Variants in DHX16 observed in about 807,000 individuals in gnomAD.
DHX16 encodes the protein pre-mRNA-splicing factor ATP-dependent RNA helicase DHX16.
DHX16 carries 81 observed loss-of-function variants against 131.2 expected under a neutral mutation model. The observed-to-expected ratio is 0.62, with a 90% CI of 0.52 to 0.74. DHX16 has a LOEUF of 0.74. Among genes scored for constraint, DHX16 ranks in the 30% least tolerant of loss-of-function variants. The pLI is 0.00. For missense variants in DHX16, 980 were observed against 1,363.1 expected, an observed-to-expected ratio of 0.72 and a Z score of 4.43; for synonymous variants, 440 against 520.2, an observed-to-expected ratio of 0.85 and a Z score of 2.10.
At position 30,665,001 on chromosome 6, in the gene DHX16, A is replaced by G; in HGVS notation, c.1126-9T>C. 6.2e-7 allele frequency: 1 copy of G among 1,613,872 alleles called. No homozygotes were observed. The highest frequency in any genetic ancestry group is 1.3e-5 in the African/African-American group (1 of 75,006). ...GGTGGAGCTGACGGCTCCTAAGGAA[A>G]GAGAAGGAGGTGTGAGCTAAATAGC... On this transcript the variant is annotated splice_polypyrimidine_tract_variant and intron_variant, in intron 6 of 19. Transcript: ENST00000376442. This position sits in a 1 kb window ranked among gnomAD's most constrained non-coding sequence, Gnocchi z 4.8.
intron 9 of DHX16, chr6:30,661,967 A>G: frequency 1.4e-6 from 1 of 690,582 alleles, no homozygotes; most frequent in Non-Finnish European, 2.7e-6. Flanking sequence ...AGAGTCAAAA[A>G]GGCACATATT....
intron 7 of DHX16, 32 bp downstream of exon 7, chr6:30,664,761 GCCAGGTGC>G (rs763273217): frequency 6.4e-7 from 1 of 1,567,304 alleles, no homozygotes; most frequent in Non-Finnish European, 8.7e-7. Context: ...GGACATTGAT[GCCAGGTGC>G]CCTGGCAAGC....
chr6:30,653,591 G>A (rs941733314), intron 19 of DHX16, among the ~76,000 whole-genome samples: 1 of 152,194 alleles, frequency 6.6e-6, no homozygotes, highest in Non-Finnish European at 1.5e-5. Context: ...GTATAGTTGG[G>A]GTCTCACTAT....
intron 7 of DHX16, 61 bp downstream of exon 7, chr6:30,664,740 G>A: frequency 6.9e-7 from 1 of 1,445,218 alleles, no homozygotes; most frequent in Non-Finnish European, 9.5e-7. Flanking sequence ...AAGGAGCTCT[G>A]ACAGGAATGA....
chr6:30,668,658 A>C (rs1249083290), intron 4 of DHX16, among the ~76,000 whole-genome samples: 3 of 151,810 alleles, frequency 2.0e-5, no homozygotes, highest in Non-Finnish European at 4.4e-5. Flanking sequence ...CTCAAAAAAA[A>C]CCCGAAAAAT....
intron 7 of DHX16, 43 bp from the exon 8 acceptor site, chr6:30,663,064 T>A: frequency 6.8e-7 from 1 of 1,468,558 alleles, no homozygotes; most frequent in Non-Finnish European, 9.4e-7. Flanking sequence ...CTTTACTAAA[T>A]ATGCACCCTG....
At chr6:30,666,449 G>A (rs1004613929) in intron 4 of DHX16, among the ~76,000 whole-genome samples, 1 of 152,154 alleles carries the variant, frequency 6.6e-6, no homozygotes, top group African/African-American at 2.4e-5. Flanking sequence ...TTCCTGCCAG[G>A]AGTCCTCCCA....
In DHX16 at chr6:30,653,320, A is replaced by G. The variant is rs764628772; in HGVS notation, c.3048T>C (p.Tyr1016=). Residue 1016 remains tyrosine, a synonymous_variant, in exon 20 of 20, where the codon TAT becomes TAC. Coordinates refer to ENST00000376442, the MANE Select transcript of DHX16 (RefSeq NM_003587.5). ...SWLLEVAPHY[Y]KAKELEDPHA... ...GGGGATCTTCTAGCTCCTTGGCCTT[A>G]TAATAATGGGGAGCCACCTCCAGAA... 10 of 1,612,948 alleles carry G rather than the reference A, an allele frequency of 6.2e-6. No individual in the cohort carries two copies. In the South Asian group the frequency reaches 8.8e-5, roughly 14 times the overall value.
rs1768645129 is a variant in DHX16 at position 30,662,884 on chromosome 6, T to C, written c.1428+27A>G. 6.2e-7 allele frequency: 1 copy of C among 1,604,198 alleles called. No individual in the cohort carries two copies. The highest frequency in any genetic ancestry group is 2.2e-5 in the East Asian group (1 of 44,856). On this transcript the variant is annotated intron_variant, in intron 8 of 19. Coordinates refer to ENST00000376442, the MANE Select transcript of DHX16 (RefSeq NM_003587.5). This position sits in a 1 kb window ranked among gnomAD's most constrained non-coding sequence, Gnocchi z 4.7. ...AGACTGAGTCACAGACCCCAGACTC[T>C]ACCCCCCGGTTCCCTAGAAATCTCA...
chr6:30,670,560 CGCCCT>C lies in DHX16; in HGVS notation c.610-99_610-95del. On this transcript the variant is annotated intron_variant, in intron 3 of 19. Coordinates refer to ENST00000376442, the MANE Select transcript of DHX16 (RefSeq NM_003587.5). This position sits in a 1 kb window ranked among gnomAD's most constrained non-coding sequence, Gnocchi z 4.4. Reference sequence around the variant, plus strand: ...TAGAATCACAAGGATCATTCAGATGCGCCCTAACACAAAAAATGTCCCCTCTCAGT... The same window carrying C: ...TAGAATCACAAGGATCATTCAGATGCAACACAAAAAATGTCCCCTCTCAGT... 7.3e-7 allele frequency: 1 copy of C among 1,372,710 alleles called. No individual in the cohort carries two copies. Among genetic ancestry groups the C allele is most frequent in the Admixed American group, 2.1e-5 (1 of 48,282 alleles). The allele number at this position is 1,372,710 out of a possible 1,614,324, so 85.0% of individuals were successfully genotyped here.
chr6:30,670,554 C>T lies in DHX16; in HGVS notation c.610-88G>A. 7.0e-7 allele frequency: 1 copy of T among 1,418,494 alleles called. No homozygotes were observed. Among genetic ancestry groups the T allele is most frequent in the Non-Finnish European group, 9.7e-7 (1 of 1,027,574 alleles). 87.9% of individuals were successfully genotyped at this position (1,418,494 alleles called of 1,614,324 possible). A position where few individuals can be genotyped will look rare whatever the true frequency, so the allele number is the denominator to read the frequency against. On this transcript the variant is annotated intron_variant, in intron 3 of 19. Coordinates refer to ENST00000376442, the MANE Select transcript of DHX16 (RefSeq NM_003587.5). This position sits in a 1 kb window ranked among gnomAD's most constrained non-coding sequence, Gnocchi z 4.4. Reference sequence around the variant, plus strand: ...CCCCTCTAGAATCACAAGGATCATTCAGATGCGCCCTAACACAAAAAATGT... The same window carrying T: ...CCCCTCTAGAATCACAAGGATCATTTAGATGCGCCCTAACACAAAAAATGT...
chr6:30,670,591 G>A lies in DHX16; in HGVS notation c.610-125C>T. ...AACACAAAAAATGTCCCCTCTCAGT[G>A]AGGAATCTCTCTGATTGCAGGTACA... On this transcript the variant is annotated intron_variant, in intron 3 of 19. Transcript: ENST00000376442. This position sits in a 1 kb window ranked among gnomAD's most constrained non-coding sequence, Gnocchi z 4.4. 1.6e-6 allele frequency: 2 copies of A among 1,242,772 alleles called. No homozygotes were observed. Among genetic ancestry groups the A allele is most frequent in the Non-Finnish European group, 2.3e-6 (2 of 886,860 alleles). The allele number at this position is 1,242,772 out of a possible 1,614,324, so 77.0% of individuals were successfully genotyped here.
rs1768590611 is a variant in DHX16, at chr6:30,662,362, T to C, written c.1544+265A>G. On this transcript the variant is annotated intron_variant, in intron 9 of 19. Coordinates refer to ENST00000376442, the MANE Select transcript of DHX16 (RefSeq NM_003587.5). The surrounding 1 kb of genome is among the most constrained non-coding windows in gnomAD (Gnocchi z 4.7). ...TCTGAGCTGAGCATTCCAAGTGTTT[T>C]CAAATGGTCTTCACACGGTATTTCA... Among the ~76,000 whole-genome samples the C allele has an allele frequency of 6.6e-6, 1 of 152,238 alleles. No individual in the cohort carries two copies. Among genetic ancestry groups the C allele is most frequent in the Non-Finnish European group, 1.5e-5 (1 of 68,044 alleles).
chr6:30,661,765 G>A (rs1768536177), intron 9 of DHX16: 1 of 717,608 alleles, frequency 1.4e-6, no homozygotes, highest in Non-Finnish European at 2.6e-6. Context: ...CCCTAACTGT[G>A]ATGGTGAAGT....
At chr6:30,671,388 G>T in intron 1 of DHX16, 114 bp from the exon 2 acceptor site, 2 of 991,552 alleles carry the variant, frequency 2.0e-6, no homozygotes, top group Non-Finnish European at 3.0e-6. Context: ...CCGCGGCCCG[G>T]CCCCACTGTC....
rs1320052843 is a variant in DHX16 at position 30,665,296 on chromosome 6, G to C, written c.922-22C>G. 2 of 1,599,238 alleles carry C rather than the reference G, an allele frequency of 1.3e-6. No individual in the cohort carries two copies. Among genetic ancestry groups the C allele is most frequent in the African/African-American group, 2.7e-5 (2 of 74,860 alleles). ...CTGGCTACAGAGAGAGGGGATATGT[G>C]AAGACTCAAAAACAGGATGTCCTCT... On this transcript the variant is annotated intron_variant, in intron 5 of 19. Transcript: ENST00000376442. The surrounding 1 kb of genome is among the most constrained non-coding windows in gnomAD (Gnocchi z 4.8).
At position 30,670,894 on chromosome 6, in the gene DHX16, GCT is replaced by G; in HGVS notation, c.503_504del (p.Glu168AlafsTer2). On this transcript the variant is annotated frameshift_variant, in exon 3 of 20. Coordinates refer to ENST00000376442, the MANE Select transcript of DHX16 (RefSeq NM_003587.5). LOFTEE classifies it high-confidence loss of function. This position sits in a 1 kb window ranked among gnomAD's most constrained non-coding sequence, Gnocchi z 4.4. Reference protein sequence around the residue: ...PESEDEWERTERERLQDLEER... With the variant: ...PESEDEWERTXRERLQDLEER... ...TCCTCCAGGTCCTGAAGGCGTTCACGCTCTGTCCGTTCCCACTCATCTTCCGA... is the reference window on the plus strand; with the variant it reads ...TCCTCCAGGTCCTGAAGGCGTTCACGCTGTCCGTTCCCACTCATCTTCCGA... 2 of 1,612,974 alleles carry G rather than the reference GCT, an allele frequency of 1.2e-6. No individual in the cohort carries two copies. The highest frequency in any genetic ancestry group is 1.7e-6 in the Non-Finnish European group (2 of 1,180,010).
chr6:30,672,540 G>C, intron 1 of DHX16, 95 bp downstream of exon 1: 2 of 1,147,486 alleles, frequency 1.7e-6, no homozygotes, highest in Non-Finnish European at 2.5e-6. Context: ...CAAAGAATAA[G>C]TGCTTGTGAA....
At chr6:30,664,127 G>A (rs1373035906) in intron 7 of DHX16, among the ~76,000 whole-genome samples, 2 of 152,052 alleles carry the variant, frequency 1.3e-5, no homozygotes, top group African/African-American at 4.8e-5. Context: ...GTCCCAGGTT[G>A]CAGTGAGTCA....
Sources: allele counts gnomAD v4.1 joint callset (sites outside exome capture counted in the v4.1 genomes callset), GRCh38; gene constraint gnomAD v4.1.1; non-coding constraint Gnocchi (gnomAD v3.1); transcripts MANE v1.5; gene names NCBI Gene and HGNC (gene_info 2026-07-23, HGNC 2026-07-21).